The following TRPM3 variants were observed in gnomAD, a reference collection of about 807,000 sequenced individuals.
The protein encoded by TRPM3 is long transient receptor potential channel 3.
Under a neutral mutation model 181.2 loss-of-function variants are expected in TRPM3, and 77 were observed. That is an observed-to-expected ratio of 0.42 (90% CI 0.35 to 0.51). The LOEUF is 0.51. Among genes scored for constraint, TRPM3 ranks in the 20% least tolerant of loss-of-function variants. TRPM3 has a pLI of 0.01. For synonymous variants in TRPM3, 745 were observed against 796.4 expected (o/e 0.94, Z 1.09); for missense variants, 1,759 against 2,196.7 (o/e 0.80, Z 3.98).
At chr9:71,286,085 C>T (rs1274609754) in intron 1 of TRPM3, among the ~76,000 whole-genome samples, 2 of 152,094 alleles carry the variant, frequency 1.3e-5, no homozygotes, top group Non-Finnish European at 2.9e-5. Context: ...TCAAGGGCTC[C>T]ACATCTGTTT....
chr9:70,881,384 C>T (rs1388229647), intron 1 of TRPM3, among the ~76,000 whole-genome samples: 2 of 152,142 alleles, frequency 1.3e-5, no homozygotes, highest in Non-Finnish European at 2.9e-5. Context: ...CCTACCACCA[C>T]CCCCATACAA....
In TRPM3 at chr9:70,977,148, T is replaced by C. The variant is rs1048826323; in HGVS notation, c.178-112637A>G. Among the ~76,000 whole-genome samples, 46 of 152,202 alleles carry C rather than the reference T, an allele frequency of 3.0e-4. 1 individual carries two copies. Among genetic ancestry groups the C allele is most frequent in the Admixed American group, 2.9e-3 (45 of 15,278 alleles). On this transcript the variant is annotated intron_variant, in intron 1 of 25. Coordinates refer to ENST00000677713, the MANE Select transcript of TRPM3 (RefSeq NM_001366145.2). ...AACTGTTTTTATTTATTTATTTTTT[T>C]TTTTGAGATGGAGTCTTGCTCTGTC...
chr9:71,305,239 T>C (rs2087169822), intron 1 of TRPM3, among the ~76,000 whole-genome samples: 1 of 152,176 alleles, frequency 6.6e-6, no homozygotes, highest in African/African-American at 2.4e-5. Context: ...ATAATCAAAA[T>C]ACATTTGGAA....
chr9:71,181,367 ATTTT>A (rs59651573), intron 1 of TRPM3, among the ~76,000 whole-genome samples: 2 of 141,750 alleles, frequency 1.4e-5, no homozygotes, highest in Non-Finnish European at 1.6e-5. Flanking sequence ...GGAAACTGCA[ATTTT>A]TTTTTTTTTT....
At chr9:71,252,210 CT>C (rs35264050) in intron 1 of TRPM3, among the ~76,000 whole-genome samples, 2,053 of 147,178 alleles carry the variant, frequency 0.014, 28 homozygotes, top group African/African-American at 0.037. Flanking sequence ...ACCAATTTAA[CT>C]TTTTTTTTTT....
chr9:71,236,019 T>C (rs558219824), intron 1 of TRPM3, among the ~76,000 whole-genome samples: 95 of 152,368 alleles, frequency 6.2e-4, no homozygotes, highest in African/African-American at 2.2e-3. Flanking sequence ...GAATAATTTG[T>C]ACCTATGGTG....
intron 1 of TRPM3, among the ~76,000 whole-genome samples, chr9:71,340,360 T>C (rs1453479963): frequency 6.6e-6 from 1 of 152,008 alleles, no homozygotes; most frequent in African/African-American, 2.4e-5. Flanking sequence ...ATTGGTGAAA[T>C]GGTTTGGCTG....
intron 9 of TRPM3, among the ~76,000 whole-genome samples, chr9:70,676,443 G>A (rs1164400850): frequency 6.6e-6 from 1 of 152,158 alleles, no homozygotes; most frequent in African/African-American, 2.4e-5. Context: ...TTTGGAGCCT[G>A]GAGCAAGAGG....
intron 25 of TRPM3, among the ~76,000 whole-genome samples, chr9:70,537,622 A>T (rs1187068286): frequency 6.6e-6 from 1 of 152,224 alleles, no homozygotes; most frequent in Non-Finnish European, 1.5e-5. Context: ...GGCTTTAGAG[A>T]TTATCTAATC....
intron 1 of TRPM3, among the ~76,000 whole-genome samples, chr9:70,888,492 T>G (rs1446809335): frequency 6.6e-6 from 1 of 151,924 alleles, no homozygotes; most frequent in South Asian, 2.1e-4. Context: ...TCAGAAAAGT[T>G]TACTATTTTT....
upstream of TRPM3, among the ~76,000 whole-genome samples, chr9:71,123,416 G>A (rs572662319): frequency 6.6e-6 from 1 of 152,226 alleles, no homozygotes; most frequent in South Asian, 2.1e-4. Context: ...CCGTACAATG[G>A]AGATTAAAAT....
At chr9:71,305,031 A>G (rs765440668) in intron 1 of TRPM3, among the ~76,000 whole-genome samples, 2 of 152,200 alleles carry the variant, frequency 1.3e-5, no homozygotes, top group African/African-American at 2.4e-5. Context: ...CCTGTGAGAC[A>G]GAGATTACAC....
chr9:71,309,050 C>T (rs1162044711), intron 1 of TRPM3, among the ~76,000 whole-genome samples: 1 of 152,154 alleles, frequency 6.6e-6, no homozygotes, highest in Non-Finnish European at 1.5e-5. Flanking sequence ...TCTAAAGCAT[C>T]GCAGGAGTGG....
Position 71,373,548 on chromosome 9 carries a change from G to C in TRPM3, c.183+73105C>G, listed in dbSNP as rs567162230. On this transcript the variant is annotated intron_variant, in intron 1 of 24. Coordinates refer to the TRPM3 transcript ENST00000357533. ...TCTTGAAGAAATGAATAAATTCCTA[G>C]ACGCATACACCCTCCCATGACTGAA... 1.6e-3 allele frequency among the ~76,000 whole-genome samples: 246 copies of C among 152,154 alleles called. 1 individual carries two copies. Among genetic ancestry groups the C allele is most frequent in the African/African-American group, 5.8e-3 (241 of 41,506 alleles).
At chr9:71,050,367 T>C (rs1314846248) in intron 1 of TRPM3, among the ~76,000 whole-genome samples, 1 of 152,192 alleles carries the variant, frequency 6.6e-6, no homozygotes, top group Non-Finnish European at 1.5e-5. Flanking sequence ...AAAGTACAAT[T>C]TGTATCTTTA....
chr9:70,746,960 T>A (rs1214838025), intron 8 of TRPM3, among the ~76,000 whole-genome samples: 1 of 152,180 alleles, frequency 6.6e-6, no homozygotes, highest in East Asian at 1.9e-4. Context: ...AAACCAAATT[T>A]ATGACTCCCT....
chr9:71,202,283 A>G (rs903374731), intron 1 of TRPM3, among the ~76,000 whole-genome samples: 3 of 149,440 alleles, frequency 2.0e-5, no homozygotes, highest in African/African-American at 5.0e-5. Context: ...GTCAGGGGTC[A>G]GGGACCCACT....
intron 1 of TRPM3, among the ~76,000 whole-genome samples, chr9:71,434,327 C>T (rs947301187): frequency 3.5e-4 from 53 of 151,940 alleles, no homozygotes; most frequent in African/African-American, 1.3e-3. Flanking sequence ...GGGATTGGTG[C>T]CCTTATAAAA....
At chr9:70,576,980 C>G (rs1455437717) in intron 22 of TRPM3, among the ~76,000 whole-genome samples, 3 of 152,184 alleles carry the variant, frequency 2.0e-5, no homozygotes, top group Non-Finnish European at 4.4e-5. Context: ...CATTTCAGCT[C>G]AACGTTATCT....
Sources: gnomAD v4.1 joint callset for allele counts (sites outside exome capture counted in the v4.1 genomes callset) on GRCh38, gnomAD v4.1.1 for gene constraint, MANE v1.5 for transcripts, NCBI Gene and HGNC (gene_info 2026-07-23, HGNC 2026-07-21) for gene names.